Variants in SARDH observed in about 807,000 individuals in gnomAD.
The protein encoded by SARDH is sarcosine dehydrogenase.
Under a neutral mutation model 109.1 loss-of-function variants are expected in SARDH, and 95 were observed. That is an observed-to-expected ratio of 0.87 (90% confidence interval 0.74 to 1.03). The LOEUF (loss-of-function observed/expected upper bound fraction) is 1.03. Among genes scored for constraint, SARDH ranks in the 50% least tolerant of loss-of-function variants. SARDH has a pLI of 0.00. For missense variants in SARDH, 1,267 were observed against 1,287.8 expected, an observed-to-expected ratio of 0.98 and a Z score of 0.25; for synonymous variants, 572 against 534.8, an observed-to-expected ratio of 1.07 and a Z score of -0.96.
intron 13 of SARDH, 69 bp from the exon 14 acceptor site, chr9:133,696,430 G>T: frequency 6.2e-7 from 1 of 1,603,326 alleles, no homozygotes; most frequent in Non-Finnish European, 8.5e-7. Flanking sequence ...CAAGAACGTG[G>T]AGAACGGGGG....
rs764931941 is a variant in SARDH at position 133,694,278 on chromosome 9, G to A, written c.1901C>T (p.Pro634Leu). The A allele has an allele frequency of 1.8e-5, 28 of 1,549,380 alleles. No individual in the cohort carries two copies. Among genetic ancestry groups the A allele is most frequent in the South Asian group, 6.0e-5 (5 of 84,010 alleles). The change falls in exon 15 of 21, where the codon CCG becomes CTG. Residue 634 changes from proline to leucine, a missense_variant. Physicochemically the swap from Pro to Leu is moderately conservative, Grantham distance 98. Transcript: ENST00000439388. ...SRLAPSHQAS[P>L]LAPAFEGDGY... ...CATACCTTCAAAGGCGGGGGCCAGC[G>A]GGGAGGCCTGGTGGCTGGGTGCCAG...
chr9:133,661,197 AG>A (rs1179325122), downstream of SARDH, among the ~76,000 whole-genome samples: 1 of 151,972 alleles, frequency 6.6e-6, no homozygotes, highest in African/African-American at 2.4e-5. Flanking sequence ...AAAATTAGCC[AG>A]GCTGTGGTGG....
At chr9:133,685,562 G>A (rs571827513) in intron 16 of SARDH, among the ~76,000 whole-genome samples, 51 of 152,298 alleles carry the variant, frequency 3.3e-4, no homozygotes, top group African/African-American at 1.2e-3. Context: ...TCTTAGATGG[G>A]GAAGTGAGGC....
chr9:133,730,002 G>T (rs1404431475), intron 5 of SARDH, 62 bp downstream of exon 5: 1 of 1,603,966 alleles, frequency 6.2e-7, no homozygotes, highest in African/African-American at 1.3e-5. Flanking sequence ...TGCAGAGGTG[G>T]GAGCAGGTTT....
intron 12 of SARDH, among the ~76,000 whole-genome samples, chr9:133,703,954 C>T (rs1831590101): frequency 6.6e-6 from 1 of 152,148 alleles, no homozygotes; most frequent in Admixed American, 6.5e-5. Flanking sequence ...ATCTTGGGAC[C>T]TGGGGTGTGT....
chr9:133,702,714 TCTCGGC>T (rs1831535371), intron 13 of SARDH, among the ~76,000 whole-genome samples, 196 bp downstream of exon 13: 1 of 80,834 alleles, frequency 1.2e-5, no homozygotes, highest in Non-Finnish European at 3.4e-5. Flanking sequence ...GCTGGCAAAA[TCTCGGC>T]ACAGAGGGAG....
intron 17 of SARDH, among the ~76,000 whole-genome samples, chr9:133,674,158 C>G (rs1246313216): frequency 6.6e-6 from 1 of 152,218 alleles, no homozygotes; most frequent in African/African-American, 2.4e-5. Flanking sequence ...GGGATCAGTC[C>G]CCAGTTCTTC....
At chr9:133,698,104 C>CA (rs995923602) in intron 13 of SARDH, among the ~76,000 whole-genome samples, 8 of 147,232 alleles carry the variant, frequency 5.4e-5, no homozygotes, top group African/African-American at 1.5e-4. Flanking sequence ...TAAAAACACA[C>CA]AAAAAACTAT....
intron 13 of SARDH, among the ~76,000 whole-genome samples, chr9:133,700,010 C>A (rs1370346447): frequency 6.6e-6 from 1 of 152,172 alleles, no homozygotes; most frequent in African/African-American, 2.4e-5. Flanking sequence ...TGGGTCCATA[C>A]AATGGAATAT....
chr9:133,673,979 G>A (rs969436345), intron 17 of SARDH, among the ~76,000 whole-genome samples: 9 of 152,172 alleles, frequency 5.9e-5, no homozygotes, highest in African/African-American at 1.4e-4. Flanking sequence ...ATTGTACGCC[G>A]TGCACAGCCT....
rs184543691 is a variant in SARDH at position 133,728,350 on chromosome 9, C to T, written c.915+1415G>A. ...CAGGCTGGCACAGGGTGGCAATGGG[C>T]AGCCCCCAGGGACGAGGCTCCCAGC... On this transcript the variant is annotated intron_variant, in intron 6 of 20. Transcript: ENST00000439388. This position sits in a 1 kb window ranked among gnomAD's most constrained non-coding sequence, Gnocchi z 5.0. 1.4e-3 allele frequency among the ~76,000 whole-genome samples: 217 copies of T among 152,298 alleles called. No individual in the cohort carries two copies. The highest frequency in any genetic ancestry group is 2.4e-3 in the Non-Finnish European group (162 of 68,014).
At chr9:133,683,422 C>G (rs528319629) in intron 17 of SARDH, among the ~76,000 whole-genome samples, 1 of 152,256 alleles carries the variant, frequency 6.6e-6, no homozygotes, top group African/African-American at 2.4e-5. Flanking sequence ...CGCAGCCCCC[C>G]TCCCCTTCTG....
intron 11 of SARDH, among the ~76,000 whole-genome samples, chr9:133,705,651 G>T (rs892414175): frequency 6.6e-6 from 1 of 150,766 alleles, no homozygotes. Flanking sequence ...CCCTGGCCCC[G>T]ATAACCATCA....
chr9:133,663,954 C>T lies in SARDH; in HGVS notation c.2692G>A (p.Gly898Ser). Reference sequence around the variant, plus strand: ...GGCGACTTCAGGTGAGCCTGGGCACCATAGGTCACCCCCATTCTCTCCAGG... The same window carrying T: ...GGCGACTTCAGGTGAGCCTGGGCACTATAGGTCACCCCCATTCTCTCCAGG... ...YALERMGVTYGAQAHLKSPFD... is the reference protein window; with the variant it reads ...YALERMGVTYSAQAHLKSPFD... The change falls in exon 21 of 21, where the codon GGT becomes AGT. Residue 898 changes from glycine (G) to serine (S), a missense_variant. Gly to Ser is a moderately conservative substitution (Grantham distance 56). Coordinates refer to ENST00000439388, the MANE Select transcript of SARDH (RefSeq NM_001134707.2). 1 of 1,614,174 alleles carries T rather than the reference C, an allele frequency of 6.2e-7. No individual in the cohort carries two copies. The highest frequency in any genetic ancestry group is 8.5e-7 in the Non-Finnish European group (1 of 1,180,028).
At chr9:133,660,719 C>CA (rs1164788769), downstream of SARDH, among the ~76,000 whole-genome samples, 1 of 152,284 alleles carries the variant, frequency 6.6e-6, no homozygotes, top group East Asian at 1.9e-4. Context: ...CACAACCCCC[C>CA]ATCTGTGAGG....
At chr9:133,735,201 C>G (rs964902775) in intron 1 of SARDH, among the ~76,000 whole-genome samples, 1 of 152,238 alleles carries the variant, frequency 6.6e-6, no homozygotes, top group Admixed American at 6.5e-5. Context: ...GGGTTGCCCC[C>G]TCATCAGCCC....
chr9:133,677,690 C>T (rs129936), intron 17 of SARDH, among the ~76,000 whole-genome samples: 15,402 of 152,314 alleles, frequency 0.1, 1,595 homozygotes, highest in African/African-American at 0.26. Flanking sequence ...AGTCCCCTTC[C>T]TGCTTGGCCC....
In SARDH at chr9:133,673,938, C is replaced by T. The variant is rs993736398; in HGVS notation, c.2164-2241G>A. 6.6e-5 allele frequency among the ~76,000 whole-genome samples: 10 copies of T among 152,248 alleles called. No individual in the cohort carries two copies. The East Asian group carries it at 1.7e-3, about 26-fold the overall frequency. On this transcript the variant is annotated intron_variant, in intron 17 of 20. Coordinates refer to ENST00000439388, the MANE Select transcript of SARDH (RefSeq NM_001134707.2). ...ATCCTTCCTGGCTCCAGCAGCTCAG[C>T]GAGGATGGGGTCAGCTGGGTCTGGG... is the stretch of plus-strand genomic sequence containing the variant.
chr9:133,661,476 ACT>A (rs1491430604), downstream of SARDH, among the ~76,000 whole-genome samples: 3 of 150,788 alleles, frequency 2.0e-5, no homozygotes, highest in Non-Finnish European at 4.4e-5. Flanking sequence ...CGATGTAGGC[ACT>A]TTCTTTTTTT....
Sources: allele counts gnomAD v4.1 joint callset (sites outside exome capture counted in the v4.1 genomes callset), GRCh38; gene constraint gnomAD v4.1.1; non-coding constraint Gnocchi (gnomAD v3.1); transcripts MANE v1.5; gene names NCBI Gene and HGNC (gene_info 2026-07-23, HGNC 2026-07-21).